The following KCNH1 variants were observed in gnomAD, a reference collection of about 807,000 sequenced individuals.
KCNH1 encodes the protein potassium voltage-gated channel subfamily H member 1.
A neutral mutation model predicts 69.2 loss-of-function variants in KCNH1; 27 were observed. The observed-to-expected ratio is 0.39, with a 90% CI of 0.29 to 0.54. The LOEUF (loss-of-function observed/expected upper bound fraction) is 0.54. Among genes scored for constraint, KCNH1 ranks in the 20% least tolerant of loss-of-function variants. KCNH1 has a pLI of 0.68. For synonymous variants in KCNH1, 456 were observed against 487.7 expected, an observed-to-expected ratio of 0.93 and a Z score of 0.86; for missense variants, 798 against 1,261.6, an observed-to-expected ratio of 0.63 and a Z score of 5.57.
At chr1:210,742,186 C>G (rs1048132745) in intron 10 of KCNH1, among the ~76,000 whole-genome samples, 1 of 152,164 alleles carries the variant, frequency 6.6e-6, no homozygotes, top group Non-Finnish European at 1.5e-5. Context: ...AATCTAGTCA[C>G]CATGAATTCT....
At chr1:210,921,975 G>T (rs552821620) in intron 6 of KCNH1, among the ~76,000 whole-genome samples, 6 of 152,044 alleles carry the variant, frequency 3.9e-5, no homozygotes, top group African/African-American at 1.4e-4. Flanking sequence ...ATGTGAACAC[G>T]TATAAACCAT....
chr1:210,977,849 G>A (rs948404797), intron 6 of KCNH1, among the ~76,000 whole-genome samples: 3 of 152,046 alleles, frequency 2.0e-5, no homozygotes, highest in Non-Finnish European at 4.4e-5. Context: ...TATACAATGT[G>A]TAATGATCAA....
At chr1:210,988,142 T>A (rs1357760020) in intron 6 of KCNH1, among the ~76,000 whole-genome samples, 1 of 152,180 alleles carries the variant, frequency 6.6e-6, no homozygotes, top group Non-Finnish European at 1.5e-5. Flanking sequence ...AAGCGCAGTA[T>A]TAGGGTGGGA....
intron 10 of KCNH1, among the ~76,000 whole-genome samples, chr1:210,736,689 A>G (rs1682888372): frequency 6.6e-6 from 1 of 152,216 alleles, no homozygotes; most frequent in Admixed American, 6.5e-5. Context: ...AATGCACCCC[A>G]AATAATCCTG....
intron 9 of KCNH1, among the ~76,000 whole-genome samples, chr1:210,779,703 A>T (rs1197836819): frequency 1.3e-5 from 2 of 152,150 alleles, no homozygotes; most frequent in Non-Finnish European, 2.9e-5. Flanking sequence ...AAATACTAAC[A>T]TTCTAAATGG....
intron 5 of KCNH1, among the ~76,000 whole-genome samples, chr1:211,042,952 C>T (rs1427013618): frequency 6.6e-6 from 1 of 152,094 alleles, no homozygotes; most frequent in East Asian, 1.9e-4. Flanking sequence ...CTGTGGGATG[C>T]AGCAAAGGTG....
At chr1:210,688,672 T>C (rs1681459914) in intron 10 of KCNH1, among the ~76,000 whole-genome samples, 1 of 149,766 alleles carries the variant, frequency 6.7e-6, no homozygotes, top group Non-Finnish European at 1.5e-5. Flanking sequence ...TGGCTGATTT[T>C]ATTTTTTGAA....
intron 3 of KCNH1, among the ~76,000 whole-genome samples, chr1:211,094,498 G>A (rs1691110911): frequency 6.6e-6 from 1 of 152,208 alleles, no homozygotes; most frequent in Non-Finnish European, 1.5e-5. Context: ...AAGCTTAACA[G>A]CTAACGACTG....
chr1:210,970,998 C>T lies in KCNH1; in HGVS notation c.1032+47785G>A, dbSNP rs936894123. Among the ~76,000 whole-genome samples, 2 of 152,138 alleles carry T rather than the reference C, an allele frequency of 1.3e-5. 1 individual carries two copies. Among genetic ancestry groups the T allele is most frequent in the Non-Finnish European group, 2.9e-5 (2 of 68,032 alleles). The stretch of plus-strand genomic sequence containing the variant: ...AGTGGGCAGAGGACATGAACAGACA[C>T]TTCTCAAAAGAAGACATTTATGCGG... On this transcript the variant is annotated intron_variant, in intron 6 of 10. Coordinates refer to ENST00000271751, the MANE Select transcript of KCNH1 (RefSeq NM_172362.3).
intron 5 of KCNH1, among the ~76,000 whole-genome samples, chr1:211,059,756 T>TGAGA (rs56144734): frequency 1.3e-4 from 19 of 146,534 alleles, no homozygotes; most frequent in East Asian, 2.0e-4. Context: ...AAAAAAAGAG[T>TGAGA]GAGAGAGAGA....
chr1:210,976,899 G>A (rs1345039259), intron 6 of KCNH1, among the ~76,000 whole-genome samples: 2 of 145,580 alleles, frequency 1.4e-5, no homozygotes, highest in African/African-American at 2.6e-5. Flanking sequence ...TCAGTGTGGC[G>A]AGTCCTCAGG....
intron 6 of KCNH1, among the ~76,000 whole-genome samples, chr1:210,993,953 C>G (rs73073450): frequency 0.079 from 11,726 of 149,034 alleles, 1,237 homozygotes; most frequent in African/African-American, 0.25. Flanking sequence ...GGTTTTATGA[C>G]GTTCAAAGAA....
At chr1:210,896,889 C>CT (rs1686880782) in intron 7 of KCNH1, among the ~76,000 whole-genome samples, 1 of 152,156 alleles carries the variant, frequency 6.6e-6, no homozygotes, top group East Asian at 1.9e-4. Flanking sequence ...AAAATGCCAT[C>CT]TTTTTCTGTC....
At chr1:210,984,492 G>A (rs1688787845) in intron 6 of KCNH1, among the ~76,000 whole-genome samples, 1 of 152,194 alleles carries the variant, frequency 6.6e-6, no homozygotes, top group Non-Finnish European at 1.5e-5. Context: ...AAGCGTTGTT[G>A]AATTTTGTCA....
chr1:210,919,997 C>T lies in KCNH1; in HGVS notation c.1105G>A (p.Asp369Asn). ...LRLGRVARKL[D>N]HYIEYGAAVL... is the part of the protein sequence containing the mutation. ...GCAGCTCCATATTCAATGTAGTGGT[C>T]CAGCTTACGGGCCACTCGCCCAAGA... Residue 369 changes from aspartate to asparagine, a missense_variant, in exon 7 of 11, where the codon GAC becomes AAC. Asp to Asn is a conservative substitution (Grantham distance 23). Transcript: ENST00000271751. This position sits in a 1 kb window ranked among gnomAD's most constrained non-coding sequence, Gnocchi z 4.2. The T allele has an allele frequency of 6.2e-7, 1 of 1,614,128 alleles. No individual in the cohort carries two copies. The highest frequency in any genetic ancestry group is 8.5e-7 in the Non-Finnish European group (1 of 1,180,030).
chr1:210,777,609 G>A (rs1159977652), intron 9 of KCNH1, among the ~76,000 whole-genome samples: 4 of 152,188 alleles, frequency 2.6e-5, no homozygotes, highest in South Asian at 2.1e-4. Context: ...CAACAAGGCT[G>A]GCCAATTCAT....
intron 9 of KCNH1, among the ~76,000 whole-genome samples, chr1:210,784,123 G>A (rs540091905): frequency 2.0e-5 from 3 of 152,322 alleles, no homozygotes; most frequent in African/African-American, 7.2e-5. Context: ...GAGCGTGCCA[G>A]GTTCAGGTGC....
chr1:210,968,646 T>A (rs1291792990), intron 6 of KCNH1, among the ~76,000 whole-genome samples: 3 of 151,884 alleles, frequency 2.0e-5, no homozygotes, highest in South Asian at 2.1e-4. Flanking sequence ...TCATGTGTTT[T>A]TTGGCTGCAT....
intron 7 of KCNH1, among the ~76,000 whole-genome samples, chr1:210,853,581 C>G (rs1685757911): frequency 6.6e-6 from 1 of 152,156 alleles, no homozygotes; most frequent in Admixed American, 6.5e-5. Context: ...TCTACAGAGC[C>G]CAGGCCCAGC....
Sources: gnomAD v4.1 joint callset for allele counts (sites outside exome capture counted in the v4.1 genomes callset) on GRCh38, gnomAD v4.1.1 for gene constraint, Gnocchi (gnomAD v3.1) non-coding constraint, MANE v1.5 for transcripts, NCBI Gene and HGNC (gene_info 2026-07-23, HGNC 2026-07-21) for gene names.